TACC3: variants seen among roughly 807,000 people sequenced by gnomAD.
TACC3 encodes transforming acidic coiled-coil-containing protein 3.
Under a neutral mutation model 86.0 loss-of-function variants are expected in TACC3, and 52 were observed. That is an observed-to-expected ratio of 0.60 (90% CI 0.48 to 0.76). The LOEUF is 0.76. Ranked by LOEUF, TACC3 falls within the 30% of genes least tolerant of loss-of-function variation. The pLI is 0.00. For synonymous variants in TACC3, 512 were observed against 430.0 expected, an observed-to-expected ratio of 1.19 and a Z score of -2.36; for missense variants, 1,120 against 1,070.4, an observed-to-expected ratio of 1.05 and a Z score of -0.65.
chr4:1,721,070 G>C (rs935427433), upstream of TACC3: 2 of 287,864 alleles, frequency 6.9e-6, no homozygotes, highest in East Asian at 1.2e-4. Flanking sequence ...CCGCCCGGCC[G>C]CCCGCGGGGC....
intron 3 of TACC3, among the ~76,000 whole-genome samples, chr4:1,724,178 C>T (rs571623181): frequency 6.6e-6 from 1 of 151,320 alleles, no homozygotes; most frequent in Non-Finnish European, 1.5e-5. Context: ...ACCGTGTTAG[C>T]CAGGATGGTC....
chr4:1,738,027 CT>C (rs1014818685), intron 10 of TACC3: 79 of 413,640 alleles, frequency 1.9e-4, no homozygotes, highest in Non-Finnish European at 3.4e-4. Flanking sequence ...AGTGTCGCCC[CT>C]TTCCTCCCGC....
chr4:1,740,842 G>A lies in TACC3; in HGVS notation c.2079G>A (p.Gln693=), dbSNP rs1331344735. ...VYQAMEEVQK[Q]KELSKAEIQK... ...TTTCTCAAGAGGAAGTTCAGAAGCA[G>A]AAGGAACTTTCCAAAGCTGAAATCC... Residue 693 remains glutamine, a synonymous_variant, in exon 13 of 16, where the codon CAG becomes CAA. Transcript: ENST00000313288. 6.2e-7 allele frequency: 1 copy of A among 1,607,970 alleles called. No homozygotes were observed. Among genetic ancestry groups the A allele is most frequent in the Non-Finnish European group, 8.5e-7 (1 of 1,178,646 alleles).
chr4:1,737,552 G>A, intron 9 of TACC3, 46 bp from the exon 10 acceptor site: 1 of 1,425,460 alleles, frequency 7.0e-7, no homozygotes, highest in Non-Finnish European at 9.4e-7. Flanking sequence ...TCAGAGGTAA[G>A]AGGCAAGGGC....
rs1314377539 is a variant in TACC3, at chr4:1,737,255, A to G, written c.1763A>G (p.Asn588Ser). ...ATETSSMHGA[N>S]ETPSGRPREA... ...CTTGGTGGCAGCATGCACGGTGCAA[A>G]TGAGACTCCCTCAGGACGTCCGCGG... The change falls in exon 9 of 16, where the codon AAT becomes AGT. Residue 588 changes from asparagine (N) to serine (S), a missense_variant. Coordinates refer to ENST00000313288, the MANE Select transcript of TACC3 (RefSeq NM_006342.3). 6.2e-6 allele frequency: 10 copies of G among 1,614,088 alleles called. No homozygotes were observed. Among genetic ancestry groups the G allele is most frequent in the Non-Finnish European group, 8.5e-6 (10 of 1,180,028 alleles).
rs774800982 is a variant in TACC3, at chr4:1,723,670, G to T, written c.163-58G>T. The T allele has an allele frequency of 1.9e-6, 3 of 1,612,256 alleles. No homozygotes were observed. The African/African-American group carries it at 4.0e-5, about 22-fold the overall frequency. On this transcript the variant is annotated intron_variant, in intron 2 of 15. Coordinates refer to ENST00000313288, the MANE Select transcript of TACC3 (RefSeq NM_006342.3). ...ACCTCTGAGCTGCAGGACACTGCTG[G>T]TGTGGCTGTAACAGCTTGAACTAAT...
At chr4:1,743,211 G>A (rs1411511615) in intron 13 of TACC3, among the ~76,000 whole-genome samples, 10 of 142,330 alleles carry the variant, frequency 7.0e-5, no homozygotes, top group Non-Finnish European at 3.0e-5. Context: ...AGCCAAGATC[G>A]CGCCATCACA....
chr4:1,728,829 T>A (rs947147881), intron 4 of TACC3, 42 bp downstream of exon 4: 1 of 1,544,782 alleles, frequency 6.5e-7, no homozygotes, highest in Non-Finnish European at 8.7e-7. Context: ...GTGGGGCAGC[T>A]GCCCTGCAGT....
chr4:1,727,748 G>A lies in TACC3; in HGVS notation c.346G>A (p.Gly116Arg). 4 of 1,599,228 alleles carry A rather than the reference G, an allele frequency of 2.5e-6. No individual in the cohort carries two copies. Among genetic ancestry groups the A allele is most frequent in the Non-Finnish European group, 3.4e-6 (4 of 1,172,052 alleles). The change falls in exon 4 of 16, where the codon GGA (glycine) becomes AGA (arginine). Residue 116 changes from glycine to arginine, a missense_variant. Transcript: ENST00000313288. The stretch of plus-strand genomic sequence containing the variant: ...GGAAGTGGATGCCAAAACTACTCAT[G>A]GAATTCTACAGAAACCAGTGGAGGC... ...IKEVDAKTTH[G>R]ILQKPVEADT...
intron 6 of TACC3, among the ~76,000 whole-genome samples, chr4:1,732,920 T>G (rs1718073871): frequency 6.6e-6 from 1 of 152,236 alleles, no homozygotes; most frequent in Admixed American, 6.5e-5. Flanking sequence ...AAGTTCTATG[T>G]GGATGTATTC....
At chr4:1,727,473 G>T (rs1451558289) in intron 3 of TACC3, among the ~76,000 whole-genome samples, 3 of 152,332 alleles carry the variant, frequency 2.0e-5, no homozygotes, top group Middle Eastern at 6.8e-3. Context: ...GGCGGGGTCA[G>T]CGAGGAAGTC....
rs1560315772 is a variant in TACC3, at chr4:1,737,234, G to GT, written c.1749-6dup. ...TAGTGACTGAGGCTGCCTCTGCTTGGTGGCAGCATGCACGGTGCAAATGAG... is the reference window on the plus strand; with the variant it reads ...TAGTGACTGAGGCTGCCTCTGCTTGGTTGGCAGCATGCACGGTGCAAATGAG... On this transcript the variant is annotated splice_region_variant and splice_polypyrimidine_tract_variant and intron_variant, in intron 8 of 15. Transcript: ENST00000313288. 18 of 1,613,626 alleles carry GT rather than the reference G, an allele frequency of 1.1e-5. No individual in the cohort carries two copies. Among genetic ancestry groups the GT allele is most frequent in the Non-Finnish European group, 1.4e-5 (17 of 1,179,836 alleles).
intron 6 of TACC3, among the ~76,000 whole-genome samples, chr4:1,733,883 C>T (rs1718123648): frequency 2.0e-5 from 3 of 151,008 alleles, no homozygotes; most frequent in East Asian, 2.0e-4. Context: ...GAGGCTGAGG[C>T]GGGAGAATCG....
At chr4:1,726,775 C>T (rs571429670) in intron 3 of TACC3, among the ~76,000 whole-genome samples, 20 of 152,196 alleles carry the variant, frequency 1.3e-4, no homozygotes, top group Non-Finnish European at 2.6e-4. Context: ...CCTTGTCTAT[C>T]GGGGAGTAGG....
intron 13 of TACC3, 108 bp downstream of exon 13, chr4:1,741,094 C>G (rs781623164): frequency 5.4e-6 from 6 of 1,113,722 alleles, no homozygotes; most frequent in Non-Finnish European, 7.7e-6. Flanking sequence ...TTGGCCAAGC[C>G]TCCCCTTGCC....
intron 3 of TACC3, among the ~76,000 whole-genome samples, chr4:1,727,318 C>T (rs938348818): frequency 2.6e-5 from 4 of 152,184 alleles, no homozygotes; most frequent in African/African-American, 4.8e-5. Context: ...GGGCAGACCT[C>T]GTGCATGATG....
chr4:1,743,844 C>T (rs1337710563), intron 13 of TACC3, among the ~76,000 whole-genome samples: 1 of 152,186 alleles, frequency 6.6e-6, no homozygotes, highest in African/African-American at 2.4e-5. Flanking sequence ...GCGTGACCTC[C>T]GCAGGACATC....
At position 1,745,146 on chromosome 4, in the gene TACC3, CAAT is replaced by C. The variant is rs1229895420; in HGVS notation, c.*136_*138del. On this transcript the variant is annotated 3_prime_UTR_variant, in exon 16 of 16. Coordinates refer to ENST00000313288, the MANE Select transcript of TACC3 (RefSeq NM_006342.3). The stretch of plus-strand genomic sequence containing the variant: ...ACTAGATTGCTTTGAAAACATGACT[CAAT>C]AAAAGTTTCCTTTCAATTTAAACAC... 16 of 972,516 alleles carry C rather than the reference CAAT, an allele frequency of 1.6e-5. No individual in the cohort carries two copies. The highest frequency in any genetic ancestry group is 2.7e-5 in the Admixed American group (1 of 37,360). 60.2% of individuals were successfully genotyped at this position (972,516 alleles called of 1,614,324 possible). A position where few individuals can be genotyped will look rare whatever the true frequency, so the allele number is the denominator to read the frequency against.
rs767519590 is a variant in TACC3, at chr4:1,740,816, T to A, written c.2063-10T>A. 2.0e-5 allele frequency: 32 copies of A among 1,602,692 alleles called. No individual in the cohort carries two copies. The highest frequency in any genetic ancestry group is 1.3e-5 in the Non-Finnish European group (15 of 1,176,866). On this transcript the variant is annotated splice_polypyrimidine_tract_variant and intron_variant, in intron 12 of 15. Transcript: ENST00000313288. ...TCCTCATCCTGAACGTTTGCTTTTC[T>A]TTTCTCAAGAGGAAGTTCAGAAGCA...
Sources: allele counts gnomAD v4.1 joint callset (sites outside exome capture counted in the v4.1 genomes callset), GRCh38; gene constraint gnomAD v4.1.1; transcripts MANE v1.5; gene names NCBI Gene and HGNC (gene_info 2026-07-23, HGNC 2026-07-21).